UROS: variants seen among roughly 807,000 people sequenced by gnomAD.
UROS encodes uroporphyrinogen-III synthase.
A neutral mutation model predicts 33.0 loss-of-function variants in UROS; 18 were observed. The observed-to-expected ratio is 0.55, with a 90% CI of 0.38 to 0.81. The LOEUF is 0.81. UROS is among the 30% of genes least tolerant of loss of function. UROS has a pLI of 0.00. For synonymous variants in UROS, 114 were observed against 121.1 expected, an observed-to-expected ratio of 0.94 and a Z score of 0.38; for missense variants, 293 against 314.9, an observed-to-expected ratio of 0.93 and a Z score of 0.53.
chr10:125,797,458 GT>G (rs1250557232), intron 7 of UROS, among the ~76,000 whole-genome samples: 1 of 152,216 alleles, frequency 6.6e-6, no homozygotes, highest in East Asian at 1.9e-4. Flanking sequence ...ATTCAAATCT[GT>G]TTTTATCTCA....
intron 1 of UROS, among the ~76,000 whole-genome samples, chr10:125,821,920 A>AGG (rs1258154618): frequency 2.0e-5 from 3 of 152,174 alleles, no homozygotes; most frequent in Non-Finnish European, 4.4e-5. Context: ...GACTCCCAGG[A>AGG]AAGACCGAAA....
chr10:125,816,043 C>T, intron 3 of UROS, 134 bp downstream of exon 3: 1 of 937,034 alleles, frequency 1.1e-6, no homozygotes, highest in Non-Finnish European at 1.7e-6. Flanking sequence ...CCTCCTGGAG[C>T]CAGGTGAAGT....
chr10:125,808,775 T>C (rs1241437282), intron 5 of UROS, among the ~76,000 whole-genome samples: 2 of 152,384 alleles, frequency 1.3e-5, no homozygotes, highest in African/African-American at 4.8e-5. Flanking sequence ...CAGCTCTATT[T>C]GTGAGGGCAG....
chr10:125,820,356 G>C (rs1014238886), intron 1 of UROS, among the ~76,000 whole-genome samples: 12 of 152,130 alleles, frequency 7.9e-5, no homozygotes, highest in African/African-American at 2.4e-4. Context: ...GAGCACCAAG[G>C]GCAGAAGATA....
At chr10:125,795,537 T>A (rs1007590943) in intron 8 of UROS, among the ~76,000 whole-genome samples, 9 of 152,232 alleles carry the variant, frequency 5.9e-5, no homozygotes, top group Non-Finnish European at 1.3e-4. Flanking sequence ...TCCATTCTCC[T>A]GCCTGAGTCC....
chr10:125,806,146 G>C (rs1412745029), intron 6 of UROS, among the ~76,000 whole-genome samples: 1 of 152,164 alleles, frequency 6.6e-6, no homozygotes, highest in African/African-American at 2.4e-5. Flanking sequence ...CTTACGGCAG[G>C]AAGACTTGTA....
chr10:125,818,983 GT>G (rs58990660), intron 1 of UROS, among the ~76,000 whole-genome samples: 1 of 151,540 alleles, frequency 6.6e-6, no homozygotes, highest in Non-Finnish European at 1.5e-5. Context: ...CTGTTCTAAA[GT>G]TTTTTGTTGT....
chr10:125,794,241 A>G (rs752002490), intron 9 of UROS: 137 of 734,938 alleles, frequency 1.9e-4, no homozygotes, highest in Middle Eastern at 1.4e-3. Context: ...AGAGCGGTGC[A>G]TACTCCCCAC....
intron 4 of UROS, among the ~76,000 whole-genome samples, chr10:125,813,010 T>C (rs1488148455): frequency 2.6e-5 from 4 of 152,194 alleles, no homozygotes; most frequent in African/African-American, 9.6e-5. Context: ...TCAAGAGCAT[T>C]CCTCTACCCT....
chr10:125,804,880 C>T lies in UROS; in HGVS notation c.394+2533G>A, dbSNP rs536049944. On this transcript the variant is annotated intron_variant, in intron 6 of 9. Transcript: ENST00000368797. ...CACCCTACCCCACCTCCAGCCCCAG[C>T]TAGGCTGGGAACTTCCAGAAGACAG... 3.9e-5 allele frequency among the ~76,000 whole-genome samples: 6 copies of T among 152,352 alleles called. No homozygotes were observed. The East Asian group carries it at 5.8e-4, about 15-fold the overall frequency.
At chr10:125,808,595 AT>A (rs973116973) in intron 5 of UROS, among the ~76,000 whole-genome samples, 3 of 152,224 alleles carry the variant, frequency 2.0e-5, no homozygotes, top group African/African-American at 7.2e-5. Context: ...ATAAATATGC[AT>A]TTTTCCCAAG....
At chr10:125,817,585 G>A (rs913775003) in intron 1 of UROS, among the ~76,000 whole-genome samples, 2 of 151,738 alleles carry the variant, frequency 1.3e-5, no homozygotes, top group Non-Finnish European at 2.9e-5. Flanking sequence ...GCCCTACCAA[G>A]CCTTAGGGTT....
intron 6 of UROS, among the ~76,000 whole-genome samples, chr10:125,805,686 G>A (rs59134397): frequency 1.3e-5 from 2 of 152,084 alleles, no homozygotes; most frequent in African/African-American, 4.8e-5. Flanking sequence ...GCCGTATGTG[G>A]CTAGTGGCTA....
chr10:125,821,213 C>T lies in UROS; in HGVS notation c.-27+1816G>A, dbSNP rs567083944. On this transcript the variant is annotated intron_variant, in intron 1 of 9. Coordinates refer to ENST00000368797, the MANE Select transcript of UROS (RefSeq NM_000375.3). The stretch of plus-strand genomic sequence containing the variant: ...ATGTTCATAGCAACATTATTTACAA[C>T]AGCTAAAATGTAGAAGTAACCAAAA... Among the ~76,000 whole-genome samples the T allele has an allele frequency of 2.0e-5, 3 of 152,272 alleles. No individual in the cohort carries two copies. In the South Asian group the frequency reaches 6.2e-4, roughly 32 times the overall value.
chr10:125,788,095 CAG>C (rs1392692420), downstream of UROS, among the ~76,000 whole-genome samples: 4 of 152,172 alleles, frequency 2.6e-5, no homozygotes, highest in African/African-American at 9.7e-5. Flanking sequence ...TTCAAGGAGA[CAG>C]AGGTGTGTGG....
At chr10:125,815,159 T>C (rs1853193611) in intron 3 of UROS, 29 bp from the exon 4 acceptor site, 1 of 1,611,158 alleles carries the variant, frequency 6.2e-7, no homozygotes, top group Non-Finnish European at 8.5e-7. Context: ...TAAAGACATT[T>C]TATACGATGG....
intron 9 of UROS, 53 bp from the exon 10 acceptor site, chr10:125,789,058 C>A: frequency 6.2e-7 from 1 of 1,604,732 alleles, no homozygotes; most frequent in Non-Finnish European, 8.5e-7. Context: ...GGGGCTGGGG[C>A]AGCAGGCAGC....
chr10:125,822,654 T>C (rs1031889553), intron 1 of UROS, among the ~76,000 whole-genome samples: 5 of 151,720 alleles, frequency 3.3e-5, no homozygotes, highest in African/African-American at 7.3e-5. Context: ...GATGAGGTTT[T>C]GCCATGTTGG....
At chr10:125,790,774 A>C (rs557010824) in intron 9 of UROS, among the ~76,000 whole-genome samples, 108 of 111,378 alleles carry the variant, frequency 9.7e-4, no homozygotes, top group African/African-American at 3.5e-3. Context: ...CGAGAGCAAA[A>C]CTCCATCTCA....
Sources: gnomAD v4.1 joint callset for allele counts (sites outside exome capture counted in the v4.1 genomes callset) on GRCh38, gnomAD v4.1.1 for gene constraint, MANE v1.5 for transcripts, NCBI Gene and HGNC (gene_info 2026-07-23, HGNC 2026-07-21) for gene names.